ERC2: variants seen among roughly 807,000 people sequenced by gnomAD.
ERC2 encodes the protein ERC protein 2.
Under a neutral mutation model 114.8 loss-of-function variants are expected in ERC2, and 42 were observed. That is an observed-to-expected ratio of 0.37 (90% CI 0.29 to 0.47). ERC2 has a LOEUF of 0.47. Among genes scored for constraint, ERC2 ranks in the 20% least tolerant of loss-of-function variants. The pLI, the probability that ERC2 is intolerant of heterozygous loss-of-function variation, is 0.99. For synonymous variants in ERC2, 454 were observed against 425.5 expected (o/e 1.07, Z -0.82); for missense variants, 939 against 1,150.7 (o/e 0.82, Z 2.66).
intron 13 of ERC2, among the ~76,000 whole-genome samples, chr3:55,916,217 A>G (rs1269775040): frequency 6.6e-6 from 1 of 152,132 alleles, no homozygotes; most frequent in East Asian, 1.9e-4. Context: ...AAAGCACCCA[A>G]TTTATTCCCA....
chr3:55,613,068 C>T (rs1417912592), intron 17 of ERC2: 1 of 152,196 alleles, frequency 6.6e-6, no homozygotes, highest in African/African-American at 2.4e-5. Context: ...AATGAAAGTG[C>T]ATGTCTAGAA....
intron 7 of ERC2, among the ~76,000 whole-genome samples, chr3:56,040,822 A>G (rs974677170): frequency 1.3e-5 from 2 of 149,368 alleles, no homozygotes; most frequent in South Asian, 2.1e-4. Context: ...ATAGATATAT[A>G]TGTATCTATA....
chr3:55,534,330 G>A (rs971704331), intron 17 of ERC2, among the ~76,000 whole-genome samples: 5 of 151,218 alleles, frequency 3.3e-5, no homozygotes, highest in African/African-American at 9.7e-5. Flanking sequence ...TTGGGAGGCT[G>A]AGATGGGAGG....
chr3:55,710,103 T>A (rs1002771991), intron 15 of ERC2, among the ~76,000 whole-genome samples: 8 of 152,308 alleles, frequency 5.3e-5, no homozygotes, highest in African/African-American at 1.9e-4. Context: ...CCCTTTCGTC[T>A]GGATCACAAC....
intron 15 of ERC2, among the ~76,000 whole-genome samples, chr3:55,710,675 A>G (rs1006185198): frequency 6.6e-6 from 1 of 152,244 alleles, no homozygotes; most frequent in Non-Finnish European, 1.5e-5. Flanking sequence ...AATAGATACT[A>G]AAGTACATAA....
In ERC2 at chr3:55,992,130, G is replaced by A. The variant is rs1008558331; in HGVS notation, c.2182C>T (p.Arg728Trp). The A allele has an allele frequency of 2.5e-6, 4 of 1,613,720 alleles. No individual in the cohort carries two copies. Among genetic ancestry groups the A allele is most frequent in the Non-Finnish European group, 2.5e-6 (3 of 1,179,874 alleles). The change falls in exon 11 of 18, where the codon CGG becomes TGG. Residue 728 changes from arginine (R) to tryptophan (W), a missense_variant. Around this residue, in one of 5 missense-constraint regions of ERC2, gnomAD observed 328 missense variants for 353.9 expected, o/e 0.93. Coordinates refer to ENST00000288221, the MANE Select transcript of ERC2 (RefSeq NM_015576.3). ...ACCTCCTTGAGGATCTCCAGCAACC[G>A]GTCCACTTCCGCTTGGGCCTTGCCA... ...ECGKAQAEVD[R>W]LLEILKEVEN...
chr3:56,395,432 T>C (rs893353062), intron 2 of ERC2, among the ~76,000 whole-genome samples: 1 of 152,180 alleles, frequency 6.6e-6, no homozygotes, highest in Non-Finnish European at 1.5e-5. Context: ...AGTTTGGAAA[T>C]TTGTCCCCAT....
intron 6 of ERC2, among the ~76,000 whole-genome samples, chr3:56,085,629 A>T (rs1192322798): frequency 6.6e-6 from 1 of 152,168 alleles, no homozygotes. Context: ...AGTTACCTTC[A>T]TCTACCAGCC....
chr3:56,123,928 C>A (rs1575506929), intron 6 of ERC2, among the ~76,000 whole-genome samples: 1 of 152,168 alleles, frequency 6.6e-6, no homozygotes, highest in South Asian at 2.1e-4. Flanking sequence ...AAGGGTATGT[C>A]GCCTAACTTA....
intron 17 of ERC2, among the ~76,000 whole-genome samples, chr3:55,622,139 G>GA (rs1430629648): frequency 4.6e-5 from 7 of 152,324 alleles, no homozygotes; most frequent in African/African-American, 1.7e-4. Flanking sequence ...ATAACTGTTT[G>GA]AAAATCCGGC....
intron 17 of ERC2, among the ~76,000 whole-genome samples, chr3:55,662,387 G>A (rs148330329): frequency 3.3e-4 from 50 of 152,298 alleles, no homozygotes; most frequent in Middle Eastern, 3.4e-3. Context: ...TACTTCTGTC[G>A]CTATTAGAAA....
At chr3:56,108,381 A>G (rs987105673) in intron 6 of ERC2, among the ~76,000 whole-genome samples, 1 of 152,140 alleles carries the variant, frequency 6.6e-6, no homozygotes, top group African/African-American at 2.4e-5. Flanking sequence ...TTCAAAGTAG[A>G]AATAGTGACA....
chr3:56,136,547 T>C (rs560726195), intron 6 of ERC2, among the ~76,000 whole-genome samples: 1 of 152,244 alleles, frequency 6.6e-6, no homozygotes, highest in South Asian at 2.1e-4. Context: ...AGATTTTTCA[T>C]TGTAGGGCAT....
At chr3:55,909,446 T>C (rs1205720920) in intron 13 of ERC2, among the ~76,000 whole-genome samples, 1 of 152,178 alleles carries the variant, frequency 6.6e-6, no homozygotes, top group Non-Finnish European at 1.5e-5. Context: ...ATTGTCAGAA[T>C]GAGTTTGAAT....
Position 56,255,146 on chromosome 3 carries a change from C to CAGAG in ERC2, c.1074+40872_1074+40873insCTCT, listed in dbSNP as rs2052432744. On this transcript the variant is annotated intron_variant, in intron 3 of 17. Coordinates refer to ENST00000288221, the MANE Select transcript of ERC2 (RefSeq NM_015576.3). ...GTTCACACCTGTCCCTGAAGACTCT[C>CAGAG]TCCTTTCTCCATCTTTTCATCTACC... 1.3e-5 allele frequency among the ~76,000 whole-genome samples: 2 copies of CAGAG among 152,216 alleles called. 1 individual carries two copies. The highest frequency in any genetic ancestry group is 4.8e-5 in the African/African-American group (2 of 41,460).
chr3:55,983,578 G>T (rs1320605758), intron 12 of ERC2, among the ~76,000 whole-genome samples: 2 of 152,180 alleles, frequency 1.3e-5, no homozygotes, highest in African/African-American at 4.8e-5. Context: ...CATAGAGTTT[G>T]AAGAGGAAAT....
chr3:56,223,836 A>G (rs1401776247), intron 3 of ERC2, among the ~76,000 whole-genome samples: 1 of 152,226 alleles, frequency 6.6e-6, no homozygotes, highest in African/African-American at 2.4e-5. Context: ...TTTTTAAAAT[A>G]CATTCTACAA....
chr3:56,456,412 C>T (rs1360190611), intron 1 of ERC2, among the ~76,000 whole-genome samples: 1 of 152,142 alleles, frequency 6.6e-6, no homozygotes, highest in Non-Finnish European at 1.5e-5. Flanking sequence ...TGAATATGTA[C>T]TTTTTAAAAA....
chr3:56,196,728 T>C (rs1254951468), intron 3 of ERC2, among the ~76,000 whole-genome samples: 1 of 152,188 alleles, frequency 6.6e-6, no homozygotes, highest in African/African-American at 2.4e-5. Context: ...TCATCATCTG[T>C]GGCTTGACGA....
Sources: gnomAD v4.1 joint callset for allele counts (sites outside exome capture counted in the v4.1 genomes callset) on GRCh38, gnomAD v4.1.1 for gene constraint, gnomAD v4.1.1 regional missense constraint, MANE v1.5 for transcripts, NCBI Gene and HGNC (gene_info 2026-07-23, HGNC 2026-07-21) for gene names.